Variants in PRPF18 observed in about 807,000 individuals in gnomAD.
PRPF18 encodes the protein pre-mRNA processing factor 18.
Under a neutral mutation model 46.5 loss-of-function variants are expected in PRPF18, and 38 were observed. That is an observed-to-expected ratio of 0.82 (90% CI 0.63 to 1.07). The LOEUF is 1.07. PRPF18 is among the 50% of genes least tolerant of loss of function. PRPF18 has a pLI of 0.00. For missense variants in PRPF18, 263 were observed against 410.0 expected (o/e 0.64, Z 3.10); for synonymous variants, 152 against 146.7 (o/e 1.04, Z -0.26).
At chr10:13,634,559 T>A (rs1264232399), downstream of PRPF18, among the ~76,000 whole-genome samples, 1 of 152,230 alleles carries the variant, frequency 6.6e-6, no homozygotes, top group Non-Finnish European at 1.5e-5. Context: ...TAGGAGATGT[T>A]AGGAACCATG....
At chr10:13,591,783 G>T in intron 1 of PRPF18, 1 of 1,428,304 alleles carries the variant, frequency 7.0e-7, no homozygotes, top group South Asian at 1.2e-5. Flanking sequence ...CTCGATTGAG[G>T]ACCAGAGGTC....
the PRPF18 span, among the ~76,000 whole-genome samples, chr10:13,650,668 CCCTGTCCTAATTG>C: frequency 6.6e-6 from 1 of 152,170 alleles, no homozygotes; most frequent in Admixed American, 6.5e-5. Flanking sequence ...AAGCCTAAGT[CCCTGTCCTAATTG>C]CCCATCTGTC....
the PRPF18 span, chr10:13,654,533 A>G: frequency 4.7e-6 from 7 of 1,497,502 alleles, no homozygotes; most frequent in Non-Finnish European, 6.5e-6. Flanking sequence ...GTGGTGCAAG[A>G]AAGGCAGAGA....
chr10:13,620,020 A>C (rs1318863465), intron 9 of PRPF18, among the ~76,000 whole-genome samples: 1 of 152,040 alleles, frequency 6.6e-6, no homozygotes, highest in African/African-American at 2.4e-5. Context: ...TCTTGGTTAC[A>C]ATTTACTGAT....
At chr10:13,606,720 T>G (rs916518392) in intron 4 of PRPF18, among the ~76,000 whole-genome samples, 1 of 105,900 alleles carries the variant, frequency 9.4e-6, no homozygotes, top group East Asian at 3.3e-4. Context: ...GGCGACAGAG[T>G]GAGACTCCTT....
intron 8 of PRPF18, among the ~76,000 whole-genome samples, chr10:13,615,244 C>T (rs527982420): frequency 6.6e-6 from 1 of 152,342 alleles, no homozygotes; most frequent in African/African-American, 2.4e-5. Context: ...TTTCCTCTTA[C>T]TGCTTTTTCT....
chr10:13,653,565 G>C, the PRPF18 span: 1 of 152,278 alleles, frequency 6.6e-6, no homozygotes, highest in East Asian at 1.9e-4. Flanking sequence ...CTTTTCTCAT[G>C]ATTCAACTCA....
At chr10:13,616,576 A>G in intron 9 of PRPF18, 23 bp downstream of exon 9, 1 of 1,612,228 alleles carries the variant, frequency 6.2e-7, no homozygotes. Flanking sequence ...GAGAGCCGGG[A>G]ATTGCCCTGG....
At chr10:13,608,232 CTTTA>C (rs1353763217) in intron 4 of PRPF18, among the ~76,000 whole-genome samples, 5 of 152,152 alleles carry the variant, frequency 3.3e-5, no homozygotes, top group Admixed American at 6.5e-5. Flanking sequence ...TGCTTGGGGT[CTTTA>C]TTGTGATTGC....
chr10:13,644,768 A>T, the PRPF18 span: 1 of 152,142 alleles, frequency 6.6e-6, no homozygotes, highest in Non-Finnish European at 1.5e-5. Context: ...AAATGGCCCA[A>T]TGTATAATGT....
the PRPF18 span, chr10:13,654,826 G>A: frequency 2.4e-6 from 1 of 419,146 alleles, no homozygotes; most frequent in Admixed American, 4.0e-5. Flanking sequence ...GCATAGGGAT[G>A]GTGACGGTTT....
chr10:13,653,878 A>G, the PRPF18 span: 2 of 162,360 alleles, frequency 1.2e-5, no homozygotes, highest in Non-Finnish European at 2.7e-5. Flanking sequence ...GGTTTCATTA[A>G]TTTTGTTGTG....
chr10:13,652,205 T>C, the PRPF18 span: 15 of 579,226 alleles, frequency 2.6e-5, no homozygotes, highest in Admixed American at 3.1e-4. Flanking sequence ...CATGGCCTCA[T>C]TTTGTATCAC....
At chr10:13,636,607 C>A in the PRPF18 span, among the ~76,000 whole-genome samples, 1 of 152,064 alleles carries the variant, frequency 6.6e-6, no homozygotes, top group African/African-American at 2.4e-5. Context: ...GTATAACATA[C>A]ATACAGAAAA....
chr10:13,607,719 G>GT (rs1190642174), intron 4 of PRPF18, among the ~76,000 whole-genome samples: 1 of 152,118 alleles, frequency 6.6e-6, no homozygotes, highest in Non-Finnish European at 1.5e-5. Flanking sequence ...CCAATTTATT[G>GT]TTTTTTCCTT....
rs374580698 is a variant in PRPF18 at position 13,613,920 on chromosome 10, A to T, written c.720+39A>T. On this transcript the variant is annotated intron_variant, in intron 7 of 9. Transcript: ENST00000378572. ...GAAAATACTTTTTTTAACTGACTTT[A>T]AAAATACAGTATAAATTTAGAATAA... is the stretch of plus-strand genomic sequence containing the variant. 6.7e-5 allele frequency: 106 copies of T among 1,589,716 alleles called. 1 individual carries two copies. The African/African-American group carries it at 1.3e-3, about 20-fold the overall frequency.
chr10:13,613,821 T>C lies in PRPF18; in HGVS notation c.660T>C (p.Ser220=), dbSNP rs1177867436. The C allele has an allele frequency of 5.0e-6, 8 of 1,614,134 alleles. No individual in the cohort carries two copies. In the South Asian group the frequency reaches 7.7e-5, roughly 16 times the overall value. The part of the protein sequence containing the change: ...VKRSVQGKLN[S]ATQKQTESYL... Reference sequence around the variant, plus strand: ...GCAGTGTGCAGGGTAAACTGAACAGTGCGACCCAGAAACAGACCGAGTCCT... The same window carrying C: ...GCAGTGTGCAGGGTAAACTGAACAGCGCGACCCAGAAACAGACCGAGTCCT... The change falls in exon 7 of 10, where the codon AGT becomes AGC. Residue 220 remains serine (S), a synonymous_variant. Transcript: ENST00000378572.
intron 4 of PRPF18, among the ~76,000 whole-genome samples, chr10:13,607,024 A>T (rs370937649): frequency 3.9e-5 from 6 of 152,330 alleles, no homozygotes; most frequent in East Asian, 1.9e-4. Context: ...CCTGATGACT[A>T]AAGATGAGGA....
At chr10:13,600,437 A>T in intron 3 of PRPF18, 89 bp downstream of exon 3, 2 of 953,720 alleles carry the variant, frequency 2.1e-6, no homozygotes, top group South Asian at 4.1e-5. Context: ...AAACGTCATT[A>T]TTTCCTGCGT....
Sources: gnomAD v4.1 joint callset for allele counts (sites outside exome capture counted in the v4.1 genomes callset) on GRCh38, gnomAD v4.1.1 for gene constraint, MANE v1.5 for transcripts, NCBI Gene and HGNC (gene_info 2026-07-23, HGNC 2026-07-21) for gene names.